LINGO2: variants seen among roughly 807,000 people sequenced by gnomAD.
LINGO2 encodes leucine-rich repeat and immunoglobulin-like domain-containing nogo receptor-interacting protein 2.
Under a neutral mutation model 30.6 loss-of-function variants are expected in LINGO2, and 14 were observed. The observed-to-expected ratio is 0.46, with a 90% CI of 0.30 to 0.72. LINGO2 has a LOEUF of 0.72. LINGO2 is among the 30% of genes least tolerant of loss of function. LINGO2 has a pLI of 0.07. For synonymous variants in LINGO2, 317 were observed against 288.5 expected, an observed-to-expected ratio of 1.10 and a Z score of -1.00; for missense variants, 729 against 751.7, an observed-to-expected ratio of 0.97 and a Z score of 0.35.
At chr9:27,946,639 T>C (rs1408974772), downstream of LINGO2, among the ~76,000 whole-genome samples, 4 of 152,136 alleles carry the variant, frequency 2.6e-5, no homozygotes, top group Non-Finnish European at 5.9e-5. Context: ...TCTCTAACAG[T>C]TCATTTTTAA....
intron 2 of LINGO2, among the ~76,000 whole-genome samples, chr9:28,379,840 G>C (rs1012016914): frequency 2.0e-5 from 3 of 152,072 alleles, no homozygotes; most frequent in Admixed American, 2.0e-4. Flanking sequence ...TAAAAATACT[G>C]CAAGGAATGG....
the LINGO2 span, among the ~76,000 whole-genome samples, chr9:28,862,226 T>G: frequency 6.6e-6 from 1 of 152,086 alleles, no homozygotes; most frequent in Admixed American, 6.6e-5. Context: ...ATTTTGCTTA[T>G]GAACATACAG....
chr9:28,168,720 G>A (rs778197824), intron 4 of LINGO2, among the ~76,000 whole-genome samples: 1 of 152,220 alleles, frequency 6.6e-6, no homozygotes, highest in African/African-American at 2.4e-5. Context: ...GGCTGATGCC[G>A]AGGCCTACAG....
intron 1 of LINGO2, among the ~76,000 whole-genome samples, chr9:28,573,746 T>C (rs1481713399): frequency 6.6e-6 from 1 of 152,122 alleles, no homozygotes; most frequent in Non-Finnish European, 1.5e-5. Context: ...TAATAAGCAA[T>C]TCCTACTTAT....
chr9:28,037,261 A>G (rs1823982247), intron 4 of LINGO2, among the ~76,000 whole-genome samples: 1 of 152,206 alleles, frequency 6.6e-6, no homozygotes. Flanking sequence ...CAGCTGTCTG[A>G]CTTGGATCTA....
chr9:28,278,765 T>A (rs1310267991), intron 4 of LINGO2, among the ~76,000 whole-genome samples: 3 of 152,240 alleles, frequency 2.0e-5, no homozygotes, highest in Non-Finnish European at 4.4e-5. Context: ...ACAACATTCA[T>A]TCTGCAGCCC....
At chr9:29,203,609 TGA>T in the LINGO2 span, among the ~76,000 whole-genome samples, 1,363 of 152,338 alleles carry the variant, frequency 8.9e-3, 10 homozygotes, top group African/African-American at 0.031. Context: ...AACATATATG[TGA>T]CTTTGTTGAA....
At chr9:28,824,208 G>A in the LINGO2 span, among the ~76,000 whole-genome samples, 4 of 152,122 alleles carry the variant, frequency 2.6e-5, no homozygotes, top group African/African-American at 9.7e-5. Flanking sequence ...GAATATAGGG[G>A]GAGAACTTAA....
chr9:28,849,819 A>G, the LINGO2 span, among the ~76,000 whole-genome samples: 53 of 151,684 alleles, frequency 3.5e-4, no homozygotes, highest in African/African-American at 1.2e-3. Flanking sequence ...ACCTATTGTC[A>G]CTCCTGGGTT....
chr9:27,982,482 T>C (rs1820927788), intron 5 of LINGO2, among the ~76,000 whole-genome samples: 2 of 151,880 alleles, frequency 1.3e-5, no homozygotes, highest in Non-Finnish European at 2.9e-5. Context: ...TATTAAGTGT[T>C]TCCTACATAT....
At chr9:29,111,940 G>GTGTGTATA in the LINGO2 span, among the ~76,000 whole-genome samples, 1 of 68,844 alleles carries the variant, frequency 1.5e-5, no homozygotes, top group African/African-American at 5.8e-5. Context: ...TATATATAAT[G>GTGTGTATA]TATTTAATCT....
the LINGO2 span, among the ~76,000 whole-genome samples, chr9:28,728,355 C>A: frequency 6.8e-6 from 1 of 147,004 alleles, no homozygotes; most frequent in Non-Finnish European, 1.5e-5. Flanking sequence ...GAAGAGCAAT[C>A]AAAAGTTAAA....
At chr9:28,720,233 G>C in the LINGO2 span, among the ~76,000 whole-genome samples, 1 of 152,060 alleles carries the variant, frequency 6.6e-6, no homozygotes, top group South Asian at 2.1e-4. Context: ...TCCTTTTCAA[G>C]CTTTGCCATA....
chr9:28,180,919 C>T (rs1272711071), intron 4 of LINGO2, among the ~76,000 whole-genome samples: 1 of 152,110 alleles, frequency 6.6e-6, no homozygotes, highest in Non-Finnish European at 1.5e-5. Flanking sequence ...TTCACATAGT[C>T]AAATTGATAA....
At chr9:28,819,386 C>G in the LINGO2 span, among the ~76,000 whole-genome samples, 2 of 152,144 alleles carry the variant, frequency 1.3e-5, no homozygotes, top group African/African-American at 4.8e-5. Context: ...TATATCTCTT[C>G]CTCTATGCAT....
chr9:29,121,509 T>C, the LINGO2 span, among the ~76,000 whole-genome samples: 6 of 152,036 alleles, frequency 3.9e-5, no homozygotes, highest in Admixed American at 2.0e-4. Flanking sequence ...AATTTTTCCA[T>C]TTTCAAATTT....
intron 1 of LINGO2, among the ~76,000 whole-genome samples, chr9:28,653,645 G>A (rs1828207550): frequency 6.6e-6 from 1 of 152,056 alleles, no homozygotes; most frequent in South Asian, 2.1e-4. Flanking sequence ...TTGATGCAAG[G>A]AAACCAACAC....
chr9:28,531,836 G>T (rs920637019), intron 1 of LINGO2, among the ~76,000 whole-genome samples: 1 of 152,024 alleles, frequency 6.6e-6, no homozygotes. Context: ...GCTTTTGTGT[G>T]TGAAAATTCT....
chr9:28,141,686 G>GC (rs1172780490), intron 4 of LINGO2, among the ~76,000 whole-genome samples: 10 of 152,126 alleles, frequency 6.6e-5, no homozygotes, highest in Non-Finnish European at 1.5e-5. Flanking sequence ...GGAGGCTGAG[G>GC]CGGGCGGATC....
Sources: allele counts gnomAD v4.1 joint callset (sites outside exome capture counted in the v4.1 genomes callset), GRCh38; gene constraint gnomAD v4.1.1; transcripts MANE v1.5; gene names NCBI Gene and HGNC (gene_info 2026-07-23, HGNC 2026-07-21).